HEG1: variants seen among roughly 807,000 people sequenced by gnomAD.
HEG1 encodes protein HEG homolog 1.
In HEG1, 56 loss-of-function variants were observed where a neutral mutation model predicts 125.6. The observed-to-expected ratio is 0.45, with a 90% confidence interval of 0.36 to 0.56. HEG1 has a LOEUF of 0.56. Ranked by LOEUF, HEG1 falls within the 20% of genes least tolerant of loss-of-function variation. The pLI is 0.00. For missense variants in HEG1, 1,523 were observed against 1,670.0 expected (o/e 0.91, Z 1.53); for synonymous variants, 644 against 668.5 (o/e 0.96, Z 0.57).
intron 1 of HEG1, among the ~76,000 whole-genome samples, chr3:125,032,745 C>T (rs1032635990): frequency 3.9e-5 from 6 of 152,210 alleles, no homozygotes; most frequent in Admixed American, 2.0e-4. Context: ...TGTAGGGAAG[C>T]AGAAGGCACT....
chr3:125,001,407 G>A (rs1936997292), intron 11 of HEG1, among the ~76,000 whole-genome samples: 1 of 152,050 alleles, frequency 6.6e-6, no homozygotes, highest in Admixed American at 6.5e-5. Flanking sequence ...GCCTCCCATA[G>A]TACTGGGATT....
intron 14 of HEG1, among the ~76,000 whole-genome samples, chr3:124,979,691 T>C (rs945952423): frequency 3.3e-5 from 5 of 152,148 alleles, no homozygotes; most frequent in South Asian, 4.2e-4. Flanking sequence ...CCCAGCACTT[T>C]GGGAGGCCGA....
At chr3:125,047,693 C>G (rs1937696647) in intron 1 of HEG1, among the ~76,000 whole-genome samples, 1 of 152,306 alleles carries the variant, frequency 6.6e-6, no homozygotes, top group African/African-American at 2.4e-5. Flanking sequence ...TCTCCTATCA[C>G]CCAGAAAAGG....
At position 125,021,147 on chromosome 3, in the gene HEG1, T is replaced by C; in HGVS notation, c.914-17A>G. 1.3e-6 allele frequency: 2 copies of C among 1,522,490 alleles called. No individual in the cohort carries two copies. The highest frequency in any genetic ancestry group is 1.8e-6 in the Non-Finnish European group (2 of 1,126,908). The allele number at this position is 1,522,490 out of a possible 1,614,324, so 94.3% of individuals were successfully genotyped here. ...TTTCAGAAGCTACAATGGAAAAAGA[T>C]ATGCTTCAAAATTACTCAGGAGTTT... On this transcript the variant is annotated splice_polypyrimidine_tract_variant and intron_variant, in intron 3 of 16. Transcript: ENST00000311127.
rs185386735 is a variant in HEG1 at position 125,013,864 on chromosome 3, G to A, written c.1715C>T (p.Thr572Ile). ...TKGERALLSI[T>I]DNSSSSDIVE... ...AATGTCTGAGGATGAACTGTTATCT[G>A]TAATGGACAGTAACGCCCGTTCTCC... Residue 572 changes from threonine (T) to isoleucine (I), a missense_variant, in exon 6 of 17, where the codon ACA (threonine) becomes ATA (isoleucine). Physicochemically the swap from Thr to Ile is moderately conservative, Grantham distance 89. Coordinates refer to ENST00000311127, the MANE Select transcript of HEG1 (RefSeq NM_020733.2). 1.4e-5 allele frequency: 22 copies of A among 1,613,902 alleles called. No homozygotes were observed. The Admixed American group carries it at 3.0e-4, about 22-fold the overall frequency.
rs768095140 is a variant in HEG1 at position 125,013,321 on chromosome 3, G to C, written c.2258C>G (p.Thr753Ser). ...TGATGTCTGAAATGAAGTCACAGGA[G>C]TCTCCCTTGCCCTGGGCAGGACAGG... ...STPVLPRARE[T>S]PVTSFQTSTM... Residue 753 changes from threonine (T) to serine (S), a missense_variant, in exon 6 of 17, where the codon ACT becomes AGT. By Grantham distance (58) the Thr-to-Ser change is moderately conservative (BLOSUM62 1). Coordinates refer to ENST00000311127, the MANE Select transcript of HEG1 (RefSeq NM_020733.2). The C allele has an allele frequency of 5.0e-6, 8 of 1,613,980 alleles. No individual in the cohort carries two copies. In the East Asian group the frequency reaches 1.8e-4, roughly 36 times the overall value.
chr3:124,997,795 G>C lies in HEG1; in HGVS notation c.3546C>G (p.Pro1182=). ...RAGSLCKRKS[P]ECDKDTSICT... ...AGATGGAGGTGTCTTTGTCACATTC[G>C]GGACTCTTCCGCTTGCACAAGCTGC... The change falls in exon 12 of 17, where the codon CCC becomes CCG. Residue 1182 remains proline (P), a synonymous_variant. Transcript: ENST00000311127. The C allele has an allele frequency of 6.3e-7, 1 of 1,588,754 alleles. No individual in the cohort carries two copies.
chr3:124,974,156 G>T (rs1936494949), intron 15 of HEG1, among the ~76,000 whole-genome samples: 1 of 151,896 alleles, frequency 6.6e-6, no homozygotes, highest in South Asian at 2.1e-4. Context: ...GGGGTAGGGG[G>T]ACAAAAACAG....
At chr3:124,988,435 C>T (rs1179484457) in intron 14 of HEG1, among the ~76,000 whole-genome samples, 1 of 152,062 alleles carries the variant, frequency 6.6e-6, no homozygotes, top group East Asian at 1.9e-4. Flanking sequence ...AATAAAAAAG[C>T]CTAAAATATG....
intron 1 of HEG1, 120 bp downstream of exon 1, chr3:125,055,455 G>A (rs1937912103): frequency 1.6e-6 from 1 of 628,344 alleles, no homozygotes; most frequent in Non-Finnish European, 2.1e-6. Context: ...CACGCCGGGC[G>A]AGGAGCCCCC....
chr3:125,054,323 T>C (rs1285205366), intron 1 of HEG1, among the ~76,000 whole-genome samples: 1 of 151,846 alleles, frequency 6.6e-6, no homozygotes, highest in African/African-American at 2.4e-5. Context: ...CTCAATCTTA[T>C]GCCAGTGATT....
chr3:124,973,899 A>C lies in HEG1; in HGVS notation c.3828T>G (p.Asn1276Lys). Residue 1276 changes from asparagine to lysine, a missense_variant, in exon 16 of 17, where the codon AAT becomes AAG. Asn to Lys is a moderately conservative substitution (Grantham distance 94, BLOSUM62 0). Coordinates refer to ENST00000311127, the MANE Select transcript of HEG1 (RefSeq NM_020733.2). ...AGATGAGTTTGCTTATGTCATTTTT[A>C]TTCTTTCTGTGGGATACAAAAATAT... The part of the protein sequence containing the change: ...IALIVTCCRK[N>K]KNDISKLIFK... 1 of 1,609,544 alleles carries C rather than the reference A, an allele frequency of 6.2e-7. No homozygotes were observed. The highest frequency in any genetic ancestry group is 8.5e-7 in the Non-Finnish European group (1 of 1,176,798).
intron 5 of HEG1, chr3:125,014,945 A>T (rs764810540): frequency 7.8e-7 from 1 of 1,288,754 alleles, no homozygotes; most frequent in South Asian, 1.2e-5. Context: ...GCACCCCAGA[A>T]GTCCTGTCCT....
At chr3:125,011,245 CAA>C (rs201989109) in intron 6 of HEG1, among the ~76,000 whole-genome samples, 205 of 145,510 alleles carry the variant, frequency 1.4e-3, no homozygotes, top group African/African-American at 4.8e-3. Flanking sequence ...AGTCTTCACT[CAA>C]AAAAAAAAAA....
intron 2 of HEG1, 74 bp downstream of exon 2, chr3:125,029,121 G>A: frequency 1.4e-6 from 2 of 1,480,992 alleles, no homozygotes; most frequent in South Asian, 2.6e-5. Context: ...ATGGGGTTGT[G>A]GGGAATGGCA....
intron 2 of HEG1, among the ~76,000 whole-genome samples, chr3:125,028,827 A>T (rs564429697): frequency 4.6e-5 from 7 of 152,328 alleles, no homozygotes; most frequent in African/African-American, 1.7e-4. Flanking sequence ...TGTGCACACC[A>T]GGGCAAGAAC....
intron 1 of HEG1, among the ~76,000 whole-genome samples, chr3:125,042,961 A>C (rs1208974722): frequency 1.3e-5 from 2 of 152,182 alleles, no homozygotes; most frequent in East Asian, 3.8e-4. Flanking sequence ...AAGCCAAATG[A>C]GTTTGTGTGA....
chr3:124,978,060 C>T (rs575074911), intron 14 of HEG1, 114 bp from the exon 15 acceptor site: 1 of 691,872 alleles, frequency 1.4e-6, no homozygotes, highest in African/African-American at 1.8e-5. Context: ...TGAGGGGTGC[C>T]CTCGCCTACA....
rs141048182 is a variant in HEG1, at chr3:125,013,258, T to C, written c.2321A>G (p.Gln774Arg). The C allele has an allele frequency of 5.9e-4, 955 of 1,614,020 alleles. 7 individuals are homozygous for C. The African/African-American group carries it at 9.5e-3, about 16-fold the overall frequency. ...GCTCTGGCTCTTAAGGTCTGCAGTT[T>C]GACTACTATGGAGCATTGTCATGAA... Reference protein sequence around the residue: ...TSFMTMLHSSQTADLKSQSTP... With the variant: ...TSFMTMLHSSRTADLKSQSTP... The change falls in exon 6 of 17, where the codon CAA becomes CGA. Residue 774 changes from glutamine (Q) to arginine (R), a missense_variant. Physicochemically the swap from Gln to Arg is conservative, Grantham distance 43. Transcript: ENST00000311127.
Sources: gnomAD v4.1 joint callset for allele counts (sites outside exome capture counted in the v4.1 genomes callset) on GRCh38, gnomAD v4.1.1 for gene constraint, MANE v1.5 for transcripts, NCBI Gene and HGNC (gene_info 2026-07-23, HGNC 2026-07-21) for gene names.